Variants in GRID1 observed in about 807,000 individuals in gnomAD.
The protein encoded by GRID1 is glutamate receptor ionotropic, delta-1.
In GRID1, 28 loss-of-function variants were observed where a neutral mutation model predicts 98.0. The observed-to-expected ratio is 0.29, with a 90% confidence interval of 0.21 to 0.39. The LOEUF (loss-of-function observed/expected upper bound fraction) is 0.39, where lower values mean the gene tolerates loss of function less well. GRID1 is among the 10% of genes least tolerant of loss of function. GRID1 has a pLI of 1.00. For synonymous variants in GRID1, 553 were observed against 538.5 expected (o/e 1.03, Z -0.37); for missense variants, 1,111 against 1,340.5 (o/e 0.83, Z 2.67).
In GRID1 at chr10:85,812,341, A is replaced by G. The variant is rs192708837; in HGVS notation, c.1233+42155T>C. Among the ~76,000 whole-genome samples the G allele has an allele frequency of 2.0e-5, 3 of 152,280 alleles. No homozygotes were observed. The East Asian group carries it at 5.8e-4, about 29-fold the overall frequency. On this transcript the variant is annotated intron_variant, in intron 8 of 15. Transcript: ENST00000327946. ...CTATGACATGAGAATAAGATTACATACATAAAGTATTAAAATAAAGAAAAT... is the reference window on the plus strand; with the variant it reads ...CTATGACATGAGAATAAGATTACATGCATAAAGTATTAAAATAAAGAAAAT...
intron 4 of GRID1, among the ~76,000 whole-genome samples, chr10:85,957,099 C>T (rs571416939): frequency 2.9e-4 from 44 of 152,236 alleles, no homozygotes; most frequent in Admixed American, 2.3e-3. Context: ...CTCATTATCA[C>T]GAGAACAGCA....
At chr10:86,036,204 G>A (rs149390805) in intron 4 of GRID1, among the ~76,000 whole-genome samples, 2 of 152,316 alleles carry the variant, frequency 1.3e-5, no homozygotes, top group African/African-American at 4.8e-5. Context: ...GCTACGACAA[G>A]GGACATTACC....
intron 4 of GRID1, among the ~76,000 whole-genome samples, chr10:86,138,083 C>T (rs946296056): frequency 6.6e-6 from 1 of 152,186 alleles, no homozygotes; most frequent in East Asian, 1.9e-4. Context: ...CCCAGCTCAC[C>T]CCCCAAAACC....
intron 12 of GRID1, among the ~76,000 whole-genome samples, chr10:85,655,670 T>A (rs941791352): frequency 3.5e-4 from 54 of 152,148 alleles, no homozygotes; most frequent in African/African-American, 1.3e-3. Context: ...TCCCACGCTC[T>A]CAGATGACTC....
At chr10:85,659,435 G>A (rs115898944) in intron 12 of GRID1, among the ~76,000 whole-genome samples, 1 of 152,340 alleles carries the variant, frequency 6.6e-6, no homozygotes, top group African/African-American at 2.4e-5. Flanking sequence ...AACCAAAGCA[G>A]CTGGTGAAGG....
At chr10:86,324,388 A>G (rs945566751) in intron 2 of GRID1, among the ~76,000 whole-genome samples, 1 of 152,164 alleles carries the variant, frequency 6.6e-6, no homozygotes, top group Admixed American at 6.5e-5. Context: ...AAAAACAAAC[A>G]TGTAATGTAT....
In GRID1 at chr10:86,366,306, G is replaced by A. The variant is rs1458278418; in HGVS notation, c.79+8C>T. 2 of 1,488,756 alleles carry A rather than the reference G, an allele frequency of 1.3e-6. No individual in the cohort carries two copies. The highest frequency in any genetic ancestry group is 1.3e-5 in the South Asian group (1 of 79,786). 92.2% of individuals were successfully genotyped at this position (1,488,756 alleles called of 1,614,324 possible). Reference sequence around the variant, plus strand: ...CCCAGCCTCGGCCCGGCCTCCAGCCGCGCTTACCGATGTGGATGATGGAGT... The same window carrying A: ...CCCAGCCTCGGCCCGGCCTCCAGCCACGCTTACCGATGTGGATGATGGAGT... On this transcript the variant is annotated splice_region_variant and intron_variant, in intron 1 of 15. Coordinates refer to ENST00000327946, the MANE Select transcript of GRID1 (RefSeq NM_017551.3). The surrounding 1 kb of genome is among the most constrained non-coding windows in gnomAD (Gnocchi z 4.1).
intron 2 of GRID1, among the ~76,000 whole-genome samples, chr10:86,272,301 G>T (rs1450884735): frequency 6.6e-6 from 1 of 152,144 alleles, no homozygotes; most frequent in Non-Finnish European, 1.5e-5. Flanking sequence ...AGCCAACTTT[G>T]TCAAAACTCT....
At chr10:85,865,779 C>T (rs1207043404) in intron 6 of GRID1, among the ~76,000 whole-genome samples, 2 of 151,520 alleles carry the variant, frequency 1.3e-5, no homozygotes, top group African/African-American at 4.9e-5. Flanking sequence ...GATGAATCTA[C>T]CAGCTGCCCA....
intron 8 of GRID1, among the ~76,000 whole-genome samples, chr10:85,827,751 T>C (rs1842832638): frequency 6.6e-6 from 1 of 150,942 alleles, no homozygotes; most frequent in African/African-American, 2.4e-5. Flanking sequence ...GACCTAACTA[T>C]TCTAAATATA....
At chr10:86,229,284 C>G (rs953860332) in intron 2 of GRID1, among the ~76,000 whole-genome samples, 3 of 152,156 alleles carry the variant, frequency 2.0e-5, no homozygotes, top group Non-Finnish European at 2.9e-5. Flanking sequence ...AGAGGAGCAG[C>G]TAAGGCACCT....
intron 4 of GRID1, among the ~76,000 whole-genome samples, chr10:86,012,866 T>C (rs1370895674): frequency 6.6e-6 from 1 of 152,210 alleles, no homozygotes; most frequent in African/African-American, 2.4e-5. Flanking sequence ...ATTACTATTG[T>C]TTATAAGCGA....
chr10:85,821,945 C>T (rs1842776724), intron 8 of GRID1, among the ~76,000 whole-genome samples: 1 of 152,104 alleles, frequency 6.6e-6, no homozygotes, highest in Admixed American at 6.5e-5. Flanking sequence ...GAAAGGATTC[C>T]CTATTTAATA....
At chr10:85,982,731 T>C (rs1366674335) in intron 4 of GRID1, among the ~76,000 whole-genome samples, 1 of 152,218 alleles carries the variant, frequency 6.6e-6, no homozygotes, top group Admixed American at 6.5e-5. Flanking sequence ...GCACAGCACC[T>C]GACTCATATC....
intron 2 of GRID1, among the ~76,000 whole-genome samples, chr10:86,321,044 G>A (rs1236036842): frequency 6.7e-6 from 1 of 150,044 alleles, no homozygotes; most frequent in African/African-American, 2.5e-5. Flanking sequence ...AGCTTGCAGT[G>A]AGCCAAGATC....
chr10:86,153,208 T>TGTG (rs1845194940), intron 3 of GRID1, among the ~76,000 whole-genome samples: 1 of 152,118 alleles, frequency 6.6e-6, no homozygotes, highest in African/African-American at 2.4e-5. Flanking sequence ...AAGGAAGGCC[T>TGTG]CCCTGACTGA....
At chr10:85,851,710 GCCCAGCATCACAGGATCTA>G (rs1843059868) in intron 8 of GRID1, among the ~76,000 whole-genome samples, 2 of 152,030 alleles carry the variant, frequency 1.3e-5, no homozygotes, top group African/African-American at 4.8e-5. Flanking sequence ...TGCTGCCCCT[GCCCAGCATCACAGGATCTA>G]GGAGTCTGCC....
chr10:85,710,412 A>G (rs1006783848), intron 12 of GRID1, among the ~76,000 whole-genome samples: 3 of 152,130 alleles, frequency 2.0e-5, no homozygotes, highest in Admixed American at 2.0e-4. Flanking sequence ...AAAACTGGAT[A>G]TCCACATGCA....
rs1313142242 is a variant in GRID1 at position 86,195,943 on chromosome 10, G to A, written c.520+10421C>T. On this transcript the variant is annotated intron_variant, in intron 3 of 15. Transcript: ENST00000327946. This position sits in a 1 kb window ranked among gnomAD's most constrained non-coding sequence, Gnocchi z 4.4. ...ATGCAACCAGAGAGAACGGGCTTCC[G>A]TTCTTGAGCATCCTTACTACACAGG... Among the ~76,000 whole-genome samples, 1 of 152,084 alleles carries A rather than the reference G, an allele frequency of 6.6e-6. No homozygotes were observed. Among genetic ancestry groups the A allele is most frequent in the East Asian group, 1.9e-4 (1 of 5,202 alleles).
Sources: allele counts gnomAD v4.1 joint callset (sites outside exome capture counted in the v4.1 genomes callset), GRCh38; gene constraint gnomAD v4.1.1; non-coding constraint Gnocchi (gnomAD v3.1); transcripts MANE v1.5; gene names NCBI Gene and HGNC (gene_info 2026-07-23, HGNC 2026-07-21).